Variants in TENT2 observed in about 807,000 individuals in gnomAD.
TENT2 encodes the protein terminal nucleotidyltransferase 2.
A neutral mutation model predicts 72.2 loss-of-function variants in TENT2; 44 were observed. The observed-to-expected ratio is 0.61, with a 90% confidence interval of 0.48 to 0.78. The LOEUF (loss-of-function observed/expected upper bound fraction) is 0.78, where lower values mean the gene tolerates loss of function less well. Ranked by LOEUF, TENT2 falls within the 30% of genes least tolerant of loss-of-function variation. The probability of loss-of-function intolerance (pLI) is 0.00; values close to 1 mark genes in which losing one functional copy is unlikely to be tolerated. For synonymous variants in TENT2, 212 were observed against 192.5 expected, an observed-to-expected ratio of 1.10 and a Z score of -0.84; for missense variants, 541 against 569.6, an observed-to-expected ratio of 0.95 and a Z score of 0.51.
rs1785556073 is a variant in TENT2, at chr5:79,642,887, A to G, written c.728A>G (p.His243Arg). ...GCACGGCATATACTCACCTTAGTCC[A>G]TAAACACTTCTGTACTAGACTTTGT... ...TEARHILTLV[H>R]KHFCTRLSGY... Residue 243 changes from histidine to arginine, a missense_variant, in exon 7 of 15, where the codon CAT becomes CGT. By Grantham distance (29) the His-to-Arg change is conservative. Coordinates refer to ENST00000453514, the MANE Select transcript of TENT2 (RefSeq NM_001114394.3). 4 of 1,612,018 alleles carry G rather than the reference A, an allele frequency of 2.5e-6. No homozygotes were observed. Among genetic ancestry groups the G allele is most frequent in the Admixed American group, 1.7e-5 (1 of 59,868 alleles).
At chr5:79,633,675 C>G (rs1212233620) in intron 4 of TENT2, among the ~76,000 whole-genome samples, 1 of 149,446 alleles carries the variant, frequency 6.7e-6, no homozygotes, top group Non-Finnish European at 1.5e-5. Context: ...CTTAGTCTCC[C>G]AAAGTGCTGG....
At position 79,642,879 on chromosome 5, in the gene TENT2, C is replaced by A; in HGVS notation, c.720C>A (p.Thr240=). Reference sequence around the variant, plus strand: ...AGACTGAAGCACGGCATATACTCACCTTAGTCCATAAACACTTCTGTACTA... The same window carrying A: ...AGACTGAAGCACGGCATATACTCACATTAGTCCATAAACACTTCTGTACTA... ...NQKTEARHIL[T]LVHKHFCTRL... The change falls in exon 7 of 15, where the codon ACC becomes ACA. Residue 240 remains threonine (T), a synonymous_variant. Transcript: ENST00000453514. The A allele has an allele frequency of 6.2e-7, 1 of 1,611,716 alleles. No individual in the cohort carries two copies. Among genetic ancestry groups the A allele is most frequent in the South Asian group, 1.1e-5 (1 of 90,958 alleles).
chr5:79,667,743 T>C (rs1809480825), intron 11 of TENT2, among the ~76,000 whole-genome samples: 1 of 152,102 alleles, frequency 6.6e-6, no homozygotes, highest in South Asian at 2.1e-4. Flanking sequence ...TTTGTTTTTA[T>C]TCATATTTTG....
intron 4 of TENT2, among the ~76,000 whole-genome samples, chr5:79,628,282 G>C (rs1772107437): frequency 6.6e-6 from 1 of 152,204 alleles, no homozygotes; most frequent in Non-Finnish European, 1.5e-5. Flanking sequence ...GTGGGGCAGT[G>C]GTTTGAAGCC....
intron 10 of TENT2, among the ~76,000 whole-genome samples, chr5:79,654,060 G>C (rs1325046907): frequency 1.3e-5 from 2 of 152,202 alleles, no homozygotes; most frequent in East Asian, 3.8e-4. Flanking sequence ...GTCAATAATT[G>C]ACTACAGATA....
intron 10 of TENT2, among the ~76,000 whole-genome samples, chr5:79,652,547 G>T (rs1413169857): frequency 6.6e-6 from 1 of 151,978 alleles, no homozygotes; most frequent in Non-Finnish European, 1.5e-5. Flanking sequence ...GGTCTCAAAT[G>T]ATTTTTTTGA....
intron 4 of TENT2, among the ~76,000 whole-genome samples, chr5:79,626,080 G>T (rs1769509775): frequency 6.6e-6 from 1 of 151,876 alleles, no homozygotes; most frequent in South Asian, 2.1e-4. Context: ...ACCCACTTTG[G>T]CTTTTCAAAG....
intron 12 of TENT2, among the ~76,000 whole-genome samples, chr5:79,672,173 T>G (rs1370749999): frequency 6.6e-6 from 1 of 152,186 alleles, no homozygotes; most frequent in African/African-American, 2.4e-5. Flanking sequence ...ACTTCTGTTT[T>G]GTTACTTTTT....
At chr5:79,624,354 C>G (rs780900764) in intron 4 of TENT2, among the ~76,000 whole-genome samples, 31 of 152,196 alleles carry the variant, frequency 2.0e-4, no homozygotes, top group Non-Finnish European at 4.0e-4. Context: ...GTCAGAAAAG[C>G]AACATCTGCT....
chr5:79,621,952 T>C (rs1765367565), intron 3 of TENT2, among the ~76,000 whole-genome samples: 1 of 152,092 alleles, frequency 6.6e-6, no homozygotes, highest in South Asian at 2.1e-4. Context: ...GTTCCACTTA[T>C]TTTGCAGATC....
At chr5:79,648,551 A>G in intron 8 of TENT2, 66 bp from the exon 9 acceptor site, 4 of 1,105,890 alleles carry the variant, frequency 3.6e-6, no homozygotes, top group Non-Finnish European at 5.2e-6. Context: ...TAATTTAGTT[A>G]TTAGGAAGGA....
chr5:79,619,849 C>CT lies in TENT2; in HGVS notation c.137+69dup, dbSNP rs1763332695. ...TTTCATTTTCTATTTGACATAAACCCTTTTTGTATGAAACTTTTGAACATG... is the reference window on the plus strand; with the variant it reads ...TTTCATTTTCTATTTGACATAAACCCTTTTTTGTATGAAACTTTTGAACATG... On this transcript the variant is annotated intron_variant, in intron 2 of 14. Transcript: ENST00000453514. 5 of 1,543,236 alleles carry CT rather than the reference C, an allele frequency of 3.2e-6. No individual in the cohort carries two copies. The South Asian group carries it at 6.1e-5, about 19-fold the overall frequency.
intron 1 of TENT2, 80 bp downstream of exon 1, chr5:79,613,155 C>T (rs1041912587): frequency 1.3e-5 from 2 of 152,210 alleles, no homozygotes; most frequent in Admixed American, 6.5e-5. Context: ...ATTGCTTCAG[C>T]TTTTCACTTT....
In TENT2 at chr5:79,631,837, G is replaced by A. The variant is rs147343808; in HGVS notation, c.465+8348G>A. Among the ~76,000 whole-genome samples the A allele has an allele frequency of 2.0e-4, 30 of 152,310 alleles. No homozygotes were observed. In the East Asian group the frequency reaches 2.1e-3, roughly 11 times the overall value. On this transcript the variant is annotated intron_variant, in intron 4 of 14. Transcript: ENST00000453514. ...AGGGGAATGAGTCCTGTGTATAGGT[G>A]GAGTGATTGGCCTTAGGTAAGAGAA...
intron 4 of TENT2, among the ~76,000 whole-genome samples, chr5:79,639,452 CTTAGATGTAAGAGCAGTGAAGGTGGT>C (rs1476928701): frequency 1.3e-5 from 2 of 149,108 alleles, no homozygotes; most frequent in Non-Finnish European, 3.0e-5. Flanking sequence ...TTCTTAGCAA[CTTAGATGTAAGAGCAGTGAAGGTGGT>C]TTTTTTTTTT....
At chr5:79,635,028 A>T (rs554763490) in intron 4 of TENT2, among the ~76,000 whole-genome samples, 14 of 152,288 alleles carry the variant, frequency 9.2e-5, no homozygotes, top group East Asian at 3.9e-4. Flanking sequence ...TTTACCCCAG[A>T]ATTAAAGAAT....
At position 79,612,801 on chromosome 5, in the gene TENT2, G is replaced by T. The variant is rs916415898; in HGVS notation, c.-312G>T. 1 of 152,482 alleles carries T rather than the reference G, an allele frequency of 6.6e-6. No homozygotes were observed. Among genetic ancestry groups the T allele is most frequent in the Non-Finnish European group, 1.5e-5 (1 of 68,248 alleles). The allele number at this position is 152,482 out of a possible 1,614,324, so 9.4% of individuals were successfully genotyped here. On this transcript the variant is annotated 5_prime_UTR_variant, in exon 1 of 15. Coordinates refer to ENST00000453514, the MANE Select transcript of TENT2 (RefSeq NM_001114394.3). Reference sequence around the variant, plus strand: ...TTAGGGGGTTTCGGAGAGGAACGCAGCAGTGTAGGCCCAGGTCGGCGGCGG... The same window carrying T: ...TTAGGGGGTTTCGGAGAGGAACGCATCAGTGTAGGCCCAGGTCGGCGGCGG...
At chr5:79,643,995 T>TTC (rs1487325816) in intron 7 of TENT2, among the ~76,000 whole-genome samples, 2 of 151,768 alleles carry the variant, frequency 1.3e-5, no homozygotes, top group African/African-American at 4.8e-5. Context: ...TCTTTTTTTT[T>TTC]TTTTTGAGAC....
chr5:79,615,709 CTTTTTTT>C (rs368937590), intron 1 of TENT2, among the ~76,000 whole-genome samples: 3 of 144,978 alleles, frequency 2.1e-5, no homozygotes, highest in Non-Finnish European at 4.6e-5. Flanking sequence ...TTTCTTTTTT[CTTTTTTT>C]TTTTTGTTTT....
Sources: gnomAD v4.1 joint callset for allele counts (sites outside exome capture counted in the v4.1 genomes callset) on GRCh38, gnomAD v4.1.1 for gene constraint, MANE v1.5 for transcripts, NCBI Gene and HGNC (gene_info 2026-07-23, HGNC 2026-07-21) for gene names.